GAGE10: variants seen among roughly 807,000 people sequenced by gnomAD.
GAGE10 encodes the protein G antigen 10.
A neutral mutation model predicts 11.5 loss-of-function variants in GAGE10; 9 were observed. The ratio of observed to expected loss-of-function variants is 0.78; its 90% CI spans 0.47 to 1.37. GAGE10 has a LOEUF of 1.37. Among genes scored for constraint, GAGE10 ranks in the 40% most tolerant of loss-of-function variants. The probability of loss-of-function intolerance (pLI) is 0.00; values close to 1 mark genes in which losing one functional copy is unlikely to be tolerated. For synonymous variants in GAGE10, 23 were observed against 29.7 expected, an observed-to-expected ratio of 0.77 and a Z score of 0.73; for missense variants, 83 against 92.9, an observed-to-expected ratio of 0.89 and a Z score of 0.44.
chrX:49,312,596 G>T (rs1465149969), intron 3 of GAGE10, among the ~76,000 whole-genome samples: 6 of 112,794 alleles, frequency 5.3e-5, no homozygotes, highest in African/African-American at 1.9e-4. Flanking sequence ...CAATGAGAAA[G>T]GCTTTACCTG....
At chrX:49,309,224 A>C (rs1463702428) in intron 3 of GAGE10, among the ~76,000 whole-genome samples, 1 of 112,138 alleles carries the variant, frequency 8.9e-6, no homozygotes, top group Non-Finnish European at 1.9e-5. Context: ...TGGGAGGAAA[A>C]GTGTTGAAAC....
At chrX:49,305,202 T>C (rs5015568) in intron 2 of GAGE10, among the ~76,000 whole-genome samples, 17 of 111,472 alleles carry the variant, frequency 1.5e-4, no homozygotes, top group African/African-American at 2.6e-4. Context: ...TATAATAGCC[T>C]CCAAAGTCCT....
chrX:49,305,346 A>C (rs2066351710), intron 2 of GAGE10, 58 bp from the exon 3 acceptor site: 1 of 825,082 alleles, frequency 1.2e-6, no homozygotes, highest in African/African-American at 2.1e-5. Flanking sequence ...ATATATGTAA[A>C]ATTTTGTATC....
intron 3 of GAGE10, among the ~76,000 whole-genome samples, chrX:49,309,987 C>T (rs1436289211): frequency 8.9e-6 from 1 of 112,090 alleles, no homozygotes; most frequent in Non-Finnish European, 1.9e-5. Context: ...AGAAACACTT[C>T]TGCAAAAGCT....
chrX:49,309,728 A>T (rs781931932), intron 3 of GAGE10, among the ~76,000 whole-genome samples: 2 of 112,180 alleles, frequency 1.8e-5, no homozygotes, highest in East Asian at 5.6e-4. Flanking sequence ...TCCTCCCTAC[A>T]TTCCAATCTA....
At chrX:49,307,647 G>A (rs1423224002) in intron 3 of GAGE10, among the ~76,000 whole-genome samples, 1 of 110,958 alleles carries the variant, frequency 9.0e-6, no homozygotes, top group African/African-American at 3.3e-5. Flanking sequence ...CCTGAGTAAT[G>A]TTTCCTTTTT....
At chrX:49,309,039 A>G (rs2066366955) in intron 3 of GAGE10, among the ~76,000 whole-genome samples, 1 of 111,886 alleles carries the variant, frequency 8.9e-6, no homozygotes, top group African/African-American at 3.3e-5. Context: ...AGTGCGGGGG[A>G]AATCAGACCT....
rs782762897 is a variant in GAGE10 at position 49,311,513 on chromosome X, G to T, written c.203-5650G>T. ...GCAGCAGGTCAAGAAATTTCTGGGT[G>T]CAGTGGGATTCTGCCGAATCTGGAT... On this transcript the variant is annotated intron_variant, in intron 3 of 4. Coordinates refer to ENST00000407599, the MANE Select transcript of GAGE10 (RefSeq NM_001098413.4). 9.8e-5 allele frequency among the ~76,000 whole-genome samples: 11 copies of T among 111,768 alleles called. 1 individual carries two copies. In the South Asian group the frequency reaches 4.2e-3, roughly 42 times the overall value.
Position 49,317,213 on chromosome X carries a change from T to A in GAGE10, c.253T>A (p.Cys85Ser). The A allele has an allele frequency of 8.3e-7, 1 of 1,207,135 alleles. No individual in the cohort carries two copies. The highest frequency in any genetic ancestry group is 1.1e-6 in the Non-Finnish European group (1 of 892,366). The stretch of plus-strand genomic sequence containing the variant: ...GGAACAGGTTCACCCAAAGACTGGG[T>A]GTGAGTGTGGAGATGGTCCTGATGG... Reference protein sequence around the residue: ...SQEQVHPKTGCECGDGPDGQE... With the variant: ...SQEQVHPKTGSECGDGPDGQE... Residue 85 changes from cysteine to serine, a missense_variant, in exon 4 of 5, where the codon TGT (cysteine) becomes AGT (serine). This residue lies in a region of GAGE10 where 66 missense variants were observed against 35.4 expected (regional missense o/e 1.87). Transcript: ENST00000407599.
At chrX:49,307,060 T>C (rs2066359742) in intron 3 of GAGE10, among the ~76,000 whole-genome samples, 1 of 112,041 alleles carries the variant, frequency 8.9e-6, no homozygotes, top group Non-Finnish European at 1.9e-5. Context: ...TCATATATTC[T>C]TTTAAATTTT....
rs201552194 is a variant in GAGE10 at position 49,317,314 on chromosome X, T to C, written c.328+26T>C. The C allele has an allele frequency of 8.8e-4, 1,041 of 1,181,823 alleles. 3 individuals carry two copies. The highest frequency in any genetic ancestry group is 1.1e-3 in the Non-Finnish European group (980 of 876,814). On this transcript the variant is annotated intron_variant, in intron 4 of 4. Coordinates refer to ENST00000407599, the MANE Select transcript of GAGE10 (RefSeq NM_001098413.4). ...GTAGGGAATCCATTAGGCATGCACA[T>C]TGTAGGGTGTCTGTTTCCACAGTAT...
chrX:49,311,446 A>G lies in GAGE10; in HGVS notation c.203-5717A>G, dbSNP rs146896388. On this transcript the variant is annotated intron_variant, in intron 3 of 4. Coordinates refer to ENST00000407599, the MANE Select transcript of GAGE10 (RefSeq NM_001098413.4). The stretch of plus-strand genomic sequence containing the variant: ...AAGGCCAGCGCAGGCTTGGAAGTGC[A>G]TGCAAGGAGGCTGTATGTGCATTGC... Among the ~76,000 whole-genome samples the G allele has an allele frequency of 8.7e-3, 966 of 111,475 alleles. 10 individuals are homozygous for G. Among genetic ancestry groups the G allele is most frequent in the Middle Eastern group, 0.014 (3 of 216 alleles).
chrX:49,306,121 T>C (rs1181495066), intron 3 of GAGE10, among the ~76,000 whole-genome samples: 5 of 112,324 alleles, frequency 4.5e-5, no homozygotes, highest in African/African-American at 1.6e-4. Context: ...TAGGAGGTGA[T>C]TAAATCCTTT....
chrX:49,305,874 C>T (rs1488401825), intron 3 of GAGE10, among the ~76,000 whole-genome samples: 3 of 111,105 alleles, frequency 2.7e-5, no homozygotes, highest in Non-Finnish European at 3.8e-5. Flanking sequence ...GCTGTAAAAA[C>T]GGAAATGATT....
At chrX:49,311,500 G>A (rs1479132459) in intron 3 of GAGE10, among the ~76,000 whole-genome samples, 1 of 111,647 alleles carries the variant, frequency 9.0e-6, no homozygotes, top group Non-Finnish European at 1.9e-5. Flanking sequence ...AGCAGGTCAA[G>A]AAATTTCTGG....
At chrX:49,309,919 A>C (rs1394938285) in intron 3 of GAGE10, among the ~76,000 whole-genome samples, 1 of 112,237 alleles carries the variant, frequency 8.9e-6, no homozygotes, top group African/African-American at 3.2e-5. Flanking sequence ...CGAGGACAAA[A>C]GGACCCCCAC....
At chrX:49,309,417 G>T (rs1435222372) in intron 3 of GAGE10, among the ~76,000 whole-genome samples, 7 of 111,845 alleles carry the variant, frequency 6.3e-5, no homozygotes, top group African/African-American at 2.3e-4. Flanking sequence ...GGTGACTAGG[G>T]TCAGAGGACA....
intron 3 of GAGE10, among the ~76,000 whole-genome samples, chrX:49,316,378 A>G (rs1270329303): frequency 8.9e-6 from 1 of 112,156 alleles, no homozygotes; most frequent in Non-Finnish European, 1.9e-5. Context: ...CTTCCCCTGC[A>G]CAGATCTCAC....
At chrX:49,317,666 T>C (rs1279996156) in intron 4 of GAGE10, among the ~76,000 whole-genome samples, 1 of 111,679 alleles carries the variant, frequency 9.0e-6, no homozygotes, top group African/African-American at 3.3e-5. Flanking sequence ...ATATTTTTAA[T>C]AACACAGGTA....
Sources: allele counts gnomAD v4.1 joint callset (sites outside exome capture counted in the v4.1 genomes callset), GRCh38; gene constraint gnomAD v4.1.1; regional missense constraint gnomAD v4.1.1; transcripts MANE v1.5; gene names NCBI Gene and HGNC (gene_info 2026-07-23, HGNC 2026-07-21).